The following PDE3B variants were observed in gnomAD, a reference collection of about 807,000 sequenced individuals.
The protein encoded by PDE3B is cGMP-inhibited 3',5'-cyclic phosphodiesterase 3B.
In PDE3B, 66 loss-of-function variants were observed where a neutral mutation model predicts 116.8. The ratio of observed to expected loss-of-function variants is 0.56; its 90% CI spans 0.46 to 0.69. The LOEUF (loss-of-function observed/expected upper bound fraction) is 0.69, where lower values mean the gene tolerates loss of function less well. PDE3B is among the 30% of genes least tolerant of loss of function. PDE3B has a pLI of 0.00. For synonymous variants in PDE3B, 595 were observed against 533.6 expected (o/e 1.12, Z -1.59); for missense variants, 1,384 against 1,368.1 (o/e 1.01, Z -0.18).
chr11:14,772,790 C>T (rs939803175), intron 2 of PDE3B: 4 of 151,772 alleles, frequency 2.6e-5, no homozygotes, highest in African/African-American at 9.7e-5. Context: ...CAAGCAATAA[C>T]TGTGTTAACT....
intron 4 of PDE3B, among the ~76,000 whole-genome samples, chr11:14,793,836 C>T (rs994594658): frequency 6.6e-6 from 1 of 152,104 alleles, no homozygotes; most frequent in African/African-American, 2.4e-5. Flanking sequence ...AATTCTGTGC[C>T]TTATAATTTA....
intron 1 of PDE3B, among the ~76,000 whole-genome samples, chr11:14,757,887 G>C (rs1244970923): frequency 8.7e-5 from 13 of 149,588 alleles, no homozygotes; most frequent in African/African-American, 1.7e-4. Flanking sequence ...CCATGCCTAT[G>C]TCCTGAATGG....
chr11:14,710,996 A>G (rs1855685020), intron 1 of PDE3B, among the ~76,000 whole-genome samples: 1 of 152,234 alleles, frequency 6.6e-6, no homozygotes, highest in Non-Finnish European at 1.5e-5. Flanking sequence ...ATAATAGGCT[A>G]TTACATAGAG....
intron 1 of PDE3B, among the ~76,000 whole-genome samples, chr11:14,679,376 T>C (rs142204006): frequency 6.6e-6 from 1 of 152,292 alleles, no homozygotes; most frequent in Non-Finnish European, 1.5e-5. Context: ...GTACTTTCAT[T>C]TTCAATAAAT....
At chr11:14,823,575 G>A (rs905121799) in intron 7 of PDE3B, among the ~76,000 whole-genome samples, 4 of 151,950 alleles carry the variant, frequency 2.6e-5, no homozygotes, top group Non-Finnish European at 5.9e-5. Context: ...TCACTGGGTG[G>A]GACCTCCCAA....
chr11:14,857,480 T>C, intron 12 of PDE3B, among the ~76,000 whole-genome samples: 1 of 152,208 alleles, frequency 6.6e-6, no homozygotes, highest in East Asian at 1.9e-4. Context: ...GTGAGTCTAC[T>C]GGGGATCAGC....
intron 12 of PDE3B, among the ~76,000 whole-genome samples, chr11:14,858,618 A>G (rs1433270038): frequency 1.3e-5 from 2 of 152,154 alleles, no homozygotes; most frequent in Non-Finnish European, 2.9e-5. Flanking sequence ...CACCATCACC[A>G]TTGACTCCAG....
chr11:14,749,867 T>C (rs1442659823), intron 1 of PDE3B, among the ~76,000 whole-genome samples: 1 of 114,914 alleles, frequency 8.7e-6, no homozygotes, highest in African/African-American at 3.1e-5. Flanking sequence ...ATTTAAAATT[T>C]ATATATTTAT....
chr11:14,813,604 A>G (rs1327879686), intron 5 of PDE3B, among the ~76,000 whole-genome samples: 1 of 152,186 alleles, frequency 6.6e-6, no homozygotes, highest in African/African-American at 2.4e-5. Flanking sequence ...CTGATCAGCA[A>G]CCTTAAGGCC....
intron 3 of PDE3B, among the ~76,000 whole-genome samples, 191 bp downstream of exon 3, chr11:14,786,876 T>A (rs755207105): frequency 2.0e-5 from 3 of 152,076 alleles, no homozygotes; most frequent in South Asian, 2.1e-4. Context: ...TTATTTTAAA[T>A]ACATTGCTGT....
At chr11:14,861,517 G>C (rs1337764064) in intron 14 of PDE3B, 151 bp downstream of exon 14, 21 of 703,648 alleles carry the variant, frequency 3.0e-5, no homozygotes, top group Non-Finnish European at 4.5e-5. Flanking sequence ...TTGGTTCTTA[G>C]TATTTTCTGT....
chr11:14,746,285 T>TCGGGAGGCTGAGGCACAAGAACC (rs1673259672), intron 1 of PDE3B, among the ~76,000 whole-genome samples: 3 of 152,002 alleles, frequency 2.0e-5, no homozygotes, highest in Admixed American at 6.5e-5. Flanking sequence ...TTCCAGCTAC[T>TCGGGAGGCTGAGGCACAAGAACC]CGGGAGGCTG....
intron 4 of PDE3B, among the ~76,000 whole-genome samples, chr11:14,791,212 A>T (rs1858377445): frequency 6.6e-6 from 1 of 152,116 alleles, no homozygotes; most frequent in South Asian, 2.1e-4. Context: ...TCATAGACTT[A>T]TGACTCTGAA....
chr11:14,657,978 T>A (rs1756812663), intron 1 of PDE3B, among the ~76,000 whole-genome samples: 1 of 152,058 alleles, frequency 6.6e-6, no homozygotes, highest in Non-Finnish European at 1.5e-5. Context: ...AACCCCAGAG[T>A]TAAACAGACT....
In PDE3B at chr11:14,644,231, C is replaced by T. The variant is rs1853292402; in HGVS notation, c.156C>T (p.Cys52=). The T allele has an allele frequency of 1.3e-6, 2 of 1,587,266 alleles. No homozygotes were observed. The highest frequency in any genetic ancestry group is 1.7e-5 in the Admixed American group (1 of 58,538). ...CGCGCGGCTTCTTCTTCCACCTCTG[C>T]CGCTTCTGCAACGTGGAGCTGCGGC... ...DPPRGFFFHL[C]RFCNVELRPP... The change falls in exon 1 of 16, where the codon TGC becomes TGT. Residue 52 remains cysteine (C), a synonymous_variant. Coordinates refer to ENST00000282096, the MANE Select transcript of PDE3B (RefSeq NM_000922.4).
At chr11:14,694,524 A>G (rs1486790923) in intron 1 of PDE3B, among the ~76,000 whole-genome samples, 2 of 152,212 alleles carry the variant, frequency 1.3e-5, no homozygotes, top group Non-Finnish European at 2.9e-5. Context: ...GAAGGCTTAG[A>G]TGATCATTAA....
chr11:14,837,348 C>T (rs1860088024), intron 11 of PDE3B, among the ~76,000 whole-genome samples: 1 of 152,134 alleles, frequency 6.6e-6, no homozygotes, highest in African/African-American at 2.4e-5. Flanking sequence ...GAGTTCTCCC[C>T]CAATCTTTCT....
chr11:14,738,613 C>G (rs1200157583), intron 1 of PDE3B, among the ~76,000 whole-genome samples: 1 of 152,140 alleles, frequency 6.6e-6, no homozygotes, highest in Non-Finnish European at 1.5e-5. Context: ...TAATTAGATC[C>G]CATTTGTCAA....
At chr11:14,677,131 AT>A (rs952558415) in intron 1 of PDE3B, among the ~76,000 whole-genome samples, 2 of 151,828 alleles carry the variant, frequency 1.3e-5, no homozygotes, top group Non-Finnish European at 2.9e-5. Context: ...TTAGTTTTTA[AT>A]TTTTTTTCTG....
Sources: allele counts gnomAD v4.1 joint callset (sites outside exome capture counted in the v4.1 genomes callset), GRCh38; gene constraint gnomAD v4.1.1; transcripts MANE v1.5; gene names NCBI Gene and HGNC (gene_info 2026-07-23, HGNC 2026-07-21).